Variants in XXYLT1 observed in about 807,000 individuals in gnomAD.
XXYLT1 encodes UDP-xylose:alpha-xyloside alpha-1,3-xylosyltransferase.
Under a neutral mutation model 28.9 loss-of-function variants are expected in XXYLT1, and 20 were observed. The observed-to-expected ratio is 0.69, with a 90% CI of 0.49 to 1.00. The LOEUF is 1.00. Among genes scored for constraint, XXYLT1 ranks in the 50% least tolerant of loss-of-function variants. The pLI, the probability that XXYLT1 is intolerant of heterozygous loss-of-function variation, is 0.00. For missense variants in XXYLT1, 542 were observed against 560.1 expected, an observed-to-expected ratio of 0.97 and a Z score of 0.33; for synonymous variants, 257 against 253.8, an observed-to-expected ratio of 1.01 and a Z score of -0.12.
chr3:195,137,776 A>T (rs926092592), intron 3 of XXYLT1, among the ~76,000 whole-genome samples: 1 of 152,222 alleles, frequency 6.6e-6, no homozygotes, highest in Non-Finnish European at 1.5e-5. Context: ...TGTACATGAC[A>T]TCATTGTATT....
At chr3:195,266,475 A>G (rs948735814) in intron 1 of XXYLT1, among the ~76,000 whole-genome samples, 2 of 152,088 alleles carry the variant, frequency 1.3e-5, no homozygotes, top group African/African-American at 4.8e-5. Flanking sequence ...GCCTGGTGAC[A>G]GAGCAAGACT....
At chr3:195,148,108 A>G (rs1425447918) in intron 3 of XXYLT1, 1 of 152,236 alleles carries the variant, frequency 6.6e-6, no homozygotes, top group Admixed American at 6.5e-5. Flanking sequence ...GCCATCAGGT[A>G]AGAGACGGTC....
At chr3:195,270,231 A>C in intron 1 of XXYLT1, 1 of 586,998 alleles carries the variant, frequency 1.7e-6, no homozygotes, top group Non-Finnish European at 3.1e-6. Context: ...AGAGGTGCAG[A>C]CTCTGAAGGC....
At chr3:195,113,002 TCGCCGTG>T (rs1429642033) in intron 3 of XXYLT1, among the ~76,000 whole-genome samples, 2 of 152,256 alleles carry the variant, frequency 1.3e-5, no homozygotes, top group Non-Finnish European at 2.9e-5. Context: ...TGCCCCTCAC[TCGCCGTG>T]CCATCCCAGG....
chr3:195,150,474 G>A lies in XXYLT1; in HGVS notation c.785+5975C>T, dbSNP rs1720140189. On this transcript the variant is annotated intron_variant, in intron 3 of 3. Coordinates refer to ENST00000310380, the MANE Select transcript of XXYLT1 (RefSeq NM_152531.5). The surrounding 1 kb of genome is among the most constrained non-coding windows in gnomAD (Gnocchi z 4.7). ...GAGCGTCTGGAAGAACCCGAGGCTG[G>A]CACAGCACCATCAGCAAATAAAACC... is the stretch of plus-strand genomic sequence containing the variant. Among the ~76,000 whole-genome samples, 1 of 152,228 alleles carries A rather than the reference G, an allele frequency of 6.6e-6. No individual in the cohort carries two copies. Among genetic ancestry groups the A allele is most frequent in the South Asian group, 2.1e-4 (1 of 4,836 alleles).
intron 3 of XXYLT1, among the ~76,000 whole-genome samples, chr3:195,096,755 C>T (rs6437455): frequency 0.31 from 47,003 of 152,018 alleles, 7,550 homozygotes; most frequent in East Asian, 0.63. Flanking sequence ...AACATAGAGA[C>T]AAGCTTTGTA....
rs975311119 is a variant in XXYLT1, at chr3:195,257,797, A to G, written c.504+12758T>C. Among the ~76,000 whole-genome samples the G allele has an allele frequency of 1.3e-5, 2 of 152,026 alleles. No homozygotes were observed. Among genetic ancestry groups the G allele is most frequent in the Non-Finnish European group, 2.9e-5 (2 of 67,986 alleles). The stretch of plus-strand genomic sequence containing the variant: ...CTCTCCTGCCAGGGACAGAAGACAG[A>G]GCCAGTCTGTGGCTCCAGCTGCCTG... On this transcript the variant is annotated intron_variant, in intron 1 of 3. Transcript: ENST00000310380. This position sits in a 1 kb window ranked among gnomAD's most constrained non-coding sequence, Gnocchi z 4.3.
At position 195,179,288 on chromosome 3, in the gene XXYLT1, C is replaced by T. The variant is rs143239697; in HGVS notation, c.653-22707G>A. 7.7e-3 allele frequency among the ~76,000 whole-genome samples: 1,155 copies of T among 150,008 alleles called. 109 individuals are homozygous for T. The East Asian group carries it at 0.2, about 26-fold the overall frequency. On this transcript the variant is annotated intron_variant, in intron 2 of 3. Coordinates refer to ENST00000310380, the MANE Select transcript of XXYLT1 (RefSeq NM_152531.5). ...CAGGGAGTCAGAGGTTGCAGTGAGC[C>T]GAGATCGCGCCACTGCACTCCAGCC...
intron 3 of XXYLT1, among the ~76,000 whole-genome samples, chr3:195,088,717 C>A (rs1485381467): frequency 7.1e-6 from 1 of 141,400 alleles, no homozygotes; most frequent in Non-Finnish European, 1.5e-5. Context: ...TTCAGACGAT[C>A]AAATTACTCT....
intron 3 of XXYLT1, among the ~76,000 whole-genome samples, chr3:195,111,540 G>A (rs752780071): frequency 7.2e-5 from 11 of 152,092 alleles, no homozygotes; most frequent in Non-Finnish European, 1.5e-4. Context: ...TCCAGGGGCA[G>A]GTGTCTGATG....
chr3:195,078,041 G>C lies in XXYLT1; in HGVS notation c.786-7930C>G, dbSNP rs964577909. On this transcript the variant is annotated intron_variant, in intron 3 of 3. Transcript: ENST00000310380. This position sits in a 1 kb window ranked among gnomAD's most constrained non-coding sequence, Gnocchi z 5.0. ...GGCAAGGGACAGAGATGAGGGGGAAGAGGCAGTGGAGGGGCTTTAAGCCTG... is the reference window on the plus strand; with the variant it reads ...GGCAAGGGACAGAGATGAGGGGGAACAGGCAGTGGAGGGGCTTTAAGCCTG... Among the ~76,000 whole-genome samples the C allele has an allele frequency of 1.3e-5, 2 of 152,186 alleles. No individual in the cohort carries two copies. The highest frequency in any genetic ancestry group is 4.8e-5 in the African/African-American group (2 of 41,462).
rs1041052451 is a variant in XXYLT1, at chr3:195,069,982, G to C, written c.915C>G (p.Leu305=). 3 of 1,609,836 alleles carry C rather than the reference G, an allele frequency of 1.9e-6. No individual in the cohort carries two copies. The highest frequency in any genetic ancestry group is 1.3e-5 in the African/African-American group (1 of 74,936). Residue 305 remains leucine, a synonymous_variant, in exon 4 of 4, where the codon CTC becomes CTG. Coordinates refer to ENST00000310380, the MANE Select transcript of XXYLT1 (RefSeq NM_152531.5). ...LNLEAMRQSP[L]YSRLLEPAQV... Reference sequence around the variant, plus strand: ...GCGCCGGCTCCAGCAGGCGGCTGTAGAGCGGGGACTGGCGCATGGCCTCCA... The same window carrying C: ...GCGCCGGCTCCAGCAGGCGGCTGTACAGCGGGGACTGGCGCATGGCCTCCA...
At chr3:195,070,897 C>T (rs1297144533) in intron 3 of XXYLT1, among the ~76,000 whole-genome samples, 4 of 152,186 alleles carry the variant, frequency 2.6e-5, no homozygotes, top group Non-Finnish European at 2.9e-5. Context: ...CAATTTTTCT[C>T]TCAGCAGATT....
At chr3:195,226,661 G>A (rs1560162503) in intron 2 of XXYLT1, 48 bp downstream of exon 2, 1 of 1,590,766 alleles carries the variant, frequency 6.3e-7, no homozygotes, top group Non-Finnish European at 8.6e-7. Context: ...GGAAATGGAT[G>A]CAAAAGTCAG....
At chr3:195,165,028 C>T (rs137855100) in intron 2 of XXYLT1, among the ~76,000 whole-genome samples, 99 of 152,178 alleles carry the variant, frequency 6.5e-4, no homozygotes, top group African/African-American at 2.3e-3. Flanking sequence ...GGGGCCAGTC[C>T]TGGACTTCCC....
chr3:195,184,896 T>G, intron 2 of XXYLT1: 1 of 817,754 alleles, frequency 1.2e-6, no homozygotes. Context: ...GATCCCCGCA[T>G]CATCAATCAT....
intron 1 of XXYLT1, among the ~76,000 whole-genome samples, chr3:195,250,976 C>T (rs1725231755): frequency 6.6e-6 from 1 of 152,226 alleles, no homozygotes; most frequent in Admixed American, 6.5e-5. Context: ...CACTCGTTTG[C>T]CTCTGGCTTT....
At chr3:195,086,711 G>C (rs987988029) in intron 3 of XXYLT1, among the ~76,000 whole-genome samples, 2 of 152,158 alleles carry the variant, frequency 1.3e-5, no homozygotes, top group Non-Finnish European at 2.9e-5. Context: ...GACCAGGCAG[G>C]AGGATGCTTT....
chr3:195,202,706 G>C (rs1167742253), intron 2 of XXYLT1, among the ~76,000 whole-genome samples: 2 of 152,210 alleles, frequency 1.3e-5, no homozygotes, highest in Admixed American at 6.5e-5. Context: ...AGGATATCTT[G>C]AGACTATCCG....
Sources: gnomAD v4.1 joint callset for allele counts (sites outside exome capture counted in the v4.1 genomes callset) on GRCh38, gnomAD v4.1.1 for gene constraint, Gnocchi (gnomAD v3.1) non-coding constraint, MANE v1.5 for transcripts, NCBI Gene and HGNC (gene_info 2026-07-23, HGNC 2026-07-21) for gene names.